The following SOX6 variants were observed in gnomAD, a reference collection of about 807,000 sequenced individuals.
The protein encoded by SOX6 is transcription factor SOX-6.
Under a neutral mutation model 97.8 loss-of-function variants are expected in SOX6, and 11 were observed. That is an observed-to-expected ratio of 0.11 (90% CI 0.07 to 0.19). SOX6 has a LOEUF of 0.19. SOX6 is among the 10% of genes least tolerant of loss of function. The pLI is 1.00. For synonymous variants in SOX6, 360 were observed against 371.4 expected, an observed-to-expected ratio of 0.97 and a Z score of 0.35; for missense variants, 810 against 1,039.5, an observed-to-expected ratio of 0.78 and a Z score of 3.04.
intron 2 of SOX6, among the ~76,000 whole-genome samples, chr11:16,328,545 T>G (rs1856176924): frequency 6.6e-6 from 1 of 152,190 alleles, no homozygotes; most frequent in South Asian, 2.1e-4. Context: ...AAGTTTCAAT[T>G]AAATGTCCAA....
intron 3 of SOX6, among the ~76,000 whole-genome samples, chr11:16,273,584 C>A (rs1854316705): frequency 6.6e-6 from 1 of 151,800 alleles, no homozygotes; most frequent in African/African-American, 2.4e-5. Flanking sequence ...TATTTTTTCA[C>A]CCCTGAGAAA....
intron 6 of SOX6, among the ~76,000 whole-genome samples, chr11:16,181,060 T>G (rs964234907): frequency 6.6e-6 from 1 of 151,596 alleles, no homozygotes; most frequent in Admixed American, 6.6e-5. Flanking sequence ...CACTCTTCCC[T>G]TTGTTTCTAT....
chr11:16,270,750 A>G (rs1462994964), intron 3 of SOX6, among the ~76,000 whole-genome samples: 1 of 151,462 alleles, frequency 6.6e-6, no homozygotes, highest in East Asian at 1.9e-4. Flanking sequence ...ATGTTATGCT[A>G]GTTGATAAAA....
rs758615770 is a variant in SOX6 at position 15,972,948 on chromosome 11, T to G, written c.2348A>C (p.Lys783Thr). 1.9e-6 allele frequency: 3 copies of G among 1,614,226 alleles called. No homozygotes were observed. The highest frequency in any genetic ancestry group is 2.5e-6 in the Non-Finnish European group (3 of 1,180,020). The change falls in exon 16 of 16, where the codon AAG (lysine) becomes ACG (threonine). Residue 783 changes from lysine to threonine, a missense_variant. This residue lies in a region of SOX6 where 122 missense variants were observed against 153.4 expected (regional missense o/e 0.80). Transcript: ENST00000683767. ...LPVIQSTYGM[K>T]TDGGSLAGNE... ...TCCAGCTAGGCTTCCGCCATCTGTC[T>G]TCATACCATAAGTGCTCTGGATGAC...
chr11:16,668,410 A>G (rs529047588), intron 3 of SOX6, among the ~76,000 whole-genome samples: 1 of 152,288 alleles, frequency 6.6e-6, no homozygotes, highest in South Asian at 2.1e-4. Context: ...AGATACACAA[A>G]AAATAAAAAG....
At chr11:16,489,280 C>T (rs1422039611) in intron 4 of SOX6, among the ~76,000 whole-genome samples, 1 of 152,146 alleles carries the variant, frequency 6.6e-6, no homozygotes, top group Non-Finnish European at 1.5e-5. Flanking sequence ...AGGTCACAAT[C>T]TTCAGCAACA....
chr11:16,563,158 G>A (rs890694931), intron 4 of SOX6, among the ~76,000 whole-genome samples: 4 of 151,678 alleles, frequency 2.6e-5, no homozygotes, highest in African/African-American at 9.7e-5. Context: ...ATATAAATGA[G>A]CAATTATGAA....
At position 15,968,088 on chromosome 11, in the gene SOX6, A is replaced by G. The variant is rs887977261; in HGVS notation, c.*4721T>C. The G allele has an allele frequency of 6.6e-6, 1 of 152,226 alleles. No individual in the cohort carries two copies. The highest frequency in any genetic ancestry group is 1.5e-5 in the Non-Finnish European group (1 of 68,048). The allele number at this position is 152,226 out of a possible 1,614,324, so 9.4% of individuals were successfully genotyped here. A position where few individuals can be genotyped will look rare whatever the true frequency, so the allele number is the denominator to read the frequency against. On this transcript the variant is annotated 3_prime_UTR_variant, in exon 16 of 16. Coordinates refer to ENST00000683767, the MANE Select transcript of SOX6 (RefSeq NM_001367873.1). ...GATATGGCATCAGAAACAGAACATC[A>G]TTGGCAGGAATAACAGACAGAAGTT...
In SOX6 at chr11:16,643,366, C is replaced by A. The variant is rs185182912; in HGVS notation, n.430-31106G>T. Among the ~76,000 whole-genome samples, 10 of 152,312 alleles carry A rather than the reference C, an allele frequency of 6.6e-5. No homozygotes were observed. In the East Asian group the frequency reaches 1.5e-3, roughly 24 times the overall value. On this transcript the variant is annotated intron_variant and non_coding_transcript_variant, in intron 3 of 5. Transcript: ENST00000524520. ...AGTTAGGCTACTCAGGGGTCAGGGA[C>A]CCACTTGAGGAGGCAGTCTGTCCAT...
chr11:16,009,694 G>T (rs1447110926), intron 13 of SOX6, among the ~76,000 whole-genome samples: 1 of 152,088 alleles, frequency 6.6e-6, no homozygotes, highest in African/African-American at 2.4e-5. Flanking sequence ...CTGAATTACA[G>T]ATTTGATGAC....
intron 4 of SOX6, among the ~76,000 whole-genome samples, chr11:16,535,441 G>A (rs1861293250): frequency 6.6e-6 from 1 of 152,192 alleles, no homozygotes; most frequent in African/African-American, 2.4e-5. Flanking sequence ...GGGAGGCCAA[G>A]GTGGGCAGAT....
chr11:16,203,272 A>AT (rs1762913741), intron 4 of SOX6, among the ~76,000 whole-genome samples: 1 of 151,926 alleles, frequency 6.6e-6, no homozygotes, highest in African/African-American at 2.4e-5. Flanking sequence ...GCTTTCTGAC[A>AT]TTTTTCTTTA....
chr11:16,592,943 T>A (rs965308325), intron 4 of SOX6, among the ~76,000 whole-genome samples: 1 of 151,418 alleles, frequency 6.6e-6, no homozygotes, highest in Non-Finnish European at 1.5e-5. Flanking sequence ...CAGCTAAGCA[T>A]AAGAGAAAAT....
At chr11:16,700,489 C>A (rs894853485) in intron 3 of SOX6, among the ~76,000 whole-genome samples, 13 of 152,332 alleles carry the variant, frequency 8.5e-5, no homozygotes, top group African/African-American at 2.9e-4. Context: ...GCCCCATCCC[C>A]AGACTCATTC....
chr11:16,658,722 G>T (rs1253179659), intron 3 of SOX6, among the ~76,000 whole-genome samples: 2 of 149,386 alleles, frequency 1.3e-5, no homozygotes, highest in African/African-American at 5.0e-5. Context: ...AAAAAAAAAT[G>T]TTCTCCTGAG....
At chr11:16,034,196 A>G (rs1157725272) in intron 12 of SOX6, among the ~76,000 whole-genome samples, 1 of 152,200 alleles carries the variant, frequency 6.6e-6, no homozygotes, top group Non-Finnish European at 1.5e-5. Flanking sequence ...GGAAGATAAC[A>G]ATTCAAATGA....
At chr11:16,546,185 G>C (rs1389198846) in intron 4 of SOX6, among the ~76,000 whole-genome samples, 1 of 152,042 alleles carries the variant, frequency 6.6e-6, no homozygotes, top group Admixed American at 6.6e-5. Flanking sequence ...AAATGCTGAT[G>C]AAAGAAATTG....
intron 15 of SOX6, among the ~76,000 whole-genome samples, chr11:15,974,086 T>C (rs913196901): frequency 7.2e-5 from 11 of 152,218 alleles, no homozygotes; most frequent in Admixed American, 2.6e-4. Context: ...CAATCTTTAA[T>C]GGATAGTAAA....
At chr11:16,582,228 G>A (rs1848038256) in intron 4 of SOX6, among the ~76,000 whole-genome samples, 1 of 152,062 alleles carries the variant, frequency 6.6e-6, no homozygotes, top group Non-Finnish European at 1.5e-5. Context: ...CTGGGTGACA[G>A]GATTAATCAT....
Sources: allele counts gnomAD v4.1 joint callset (sites outside exome capture counted in the v4.1 genomes callset), GRCh38; gene constraint gnomAD v4.1.1; regional missense constraint gnomAD v4.1.1; transcripts MANE v1.5; gene names NCBI Gene and HGNC (gene_info 2026-07-23, HGNC 2026-07-21).